HK1: variants seen among roughly 807,000 people sequenced by gnomAD.
The protein encoded by HK1 is hexokinase-1.
HK1 carries 28 observed loss-of-function variants against 91.6 expected under a neutral mutation model. That is an observed-to-expected ratio of 0.31 (90% CI 0.23 to 0.42). The LOEUF is 0.42. Among genes scored for constraint, HK1 ranks in the 10% least tolerant of loss-of-function variants. HK1 has a pLI of 1.00. For synonymous variants in HK1, 430 were observed against 468.1 expected (o/e 0.92, Z 1.05); for missense variants, 770 against 1,219.8 (o/e 0.63, Z 5.49).
chr10:69,301,573 C>CAAAAAAAAAAAAAA (rs3086649), intron 5 of HK1, among the ~76,000 whole-genome samples: 1 of 80,766 alleles, frequency 1.2e-5, no homozygotes, highest in Non-Finnish European at 2.3e-5. Flanking sequence ...GACTCTGTCT[C>CAAAAAAAAAAAAAA]AAAAAAAAAA....
chr10:69,400,606 A>C (rs1245147517), intron 17 of HK1, among the ~76,000 whole-genome samples: 1 of 152,182 alleles, frequency 6.6e-6, no homozygotes, highest in African/African-American at 2.4e-5. Context: ...CTGGAGCCTC[A>C]AGCTCCGATG....
chr10:69,393,270 C>T (rs375604629), intron 15 of HK1, among the ~76,000 whole-genome samples: 62 of 152,148 alleles, frequency 4.1e-4, no homozygotes, highest in African/African-American at 1.3e-3. Context: ...TGTGAGCCAC[C>T]GCAACCAGCC....
chr10:69,288,347 G>T (rs908349827), intron 2 of HK1, among the ~76,000 whole-genome samples: 3 of 152,036 alleles, frequency 2.0e-5, no homozygotes, highest in Admixed American at 6.5e-5. Flanking sequence ...CAGTAGCTCA[G>T]GCCTGTAACC....
chr10:69,281,196 A>C (rs1844728024), intron 1 of HK1, among the ~76,000 whole-genome samples: 1 of 152,174 alleles, frequency 6.6e-6, no homozygotes. Flanking sequence ...TTGTTAAAAC[A>C]CAGATTCATG....
chr10:69,350,769 C>T (rs974387491), intron 2 of HK1, among the ~76,000 whole-genome samples: 1 of 152,124 alleles, frequency 6.6e-6, no homozygotes, highest in African/African-American at 2.4e-5. Context: ...ATCATTTCAT[C>T]TCAGTGTAGT....
intron 17 of HK1, among the ~76,000 whole-genome samples, chr10:69,400,517 G>A (rs369693002): frequency 6.6e-6 from 1 of 152,280 alleles, no homozygotes; most frequent in East Asian, 1.9e-4. Context: ...CTCCTGAACC[G>A]ATCCAGTGCT....
intron 9 of HK1, 82 bp from the exon 10 acceptor site, chr10:69,382,405 A>G: frequency 1.5e-6 from 2 of 1,376,792 alleles, no homozygotes; most frequent in Non-Finnish European, 2.1e-6. Context: ...AGAGTTAAAG[A>G]GTGGAGAAAG....
intron 5 of HK1, among the ~76,000 whole-genome samples, chr10:69,308,456 TTGAC>T (rs1335012740): frequency 1.3e-5 from 2 of 152,082 alleles, no homozygotes; most frequent in East Asian, 3.9e-4. Flanking sequence ...AGGGTCATGA[TTGAC>T]TGAGCAAGCA....
chr10:69,285,214 C>T (rs945373197), intron 2 of HK1, among the ~76,000 whole-genome samples: 1 of 151,924 alleles, frequency 6.6e-6, no homozygotes, highest in Non-Finnish European at 1.5e-5. Context: ...GTGGGTGGAT[C>T]GCAAGGTCAG....
chr10:69,378,555 A>T (rs1473634439), intron 8 of HK1, among the ~76,000 whole-genome samples: 2 of 152,200 alleles, frequency 1.3e-5, no homozygotes, highest in African/African-American at 4.8e-5. Context: ...TACCCCCAAA[A>T]TATCTACAGA....
At chr10:69,319,197 T>C (rs1846860047) in intron 1 of HK1, 187 bp downstream of exon 1, 1 of 729,696 alleles carries the variant, frequency 1.4e-6, no homozygotes, top group South Asian at 1.7e-5. Context: ...TCTGTGTGTG[T>C]GCGTTTTTGG....
At chr10:69,315,664 C>A (rs896588259), upstream of HK1, 9 of 488,782 alleles carry the variant, frequency 1.8e-5, no homozygotes, top group African/African-American at 1.8e-4. Context: ...GGGGACACAG[C>A]AGTGCAGCAT....
chr10:69,364,780 C>T lies in HK1; in HGVS notation c.376-3C>T, dbSNP rs1279099108. ...CCCCTGACTGCTCTCATGTTTCCTTCAGCTTTTTGATCATGTTGCTGAGTG... is the reference window on the plus strand; with the variant it reads ...CCCCTGACTGCTCTCATGTTTCCTTTAGCTTTTTGATCATGTTGCTGAGTG... On this transcript the variant is annotated splice_polypyrimidine_tract_variant and splice_region_variant and intron_variant, in intron 3 of 17. Coordinates refer to ENST00000359426, the MANE Select transcript of HK1 (RefSeq NM_000188.3). 6.2e-7 allele frequency: 1 copy of T among 1,614,036 alleles called. No individual in the cohort carries two copies. Among genetic ancestry groups the T allele is most frequent in the Non-Finnish European group, 8.5e-7 (1 of 1,180,030 alleles).
intron 1 of HK1, among the ~76,000 whole-genome samples, chr10:69,281,993 A>G (rs1304092169): frequency 6.6e-6 from 1 of 152,148 alleles, no homozygotes; most frequent in Non-Finnish European, 1.5e-5. Flanking sequence ...GCTCTGAGCT[A>G]CTTACCCGCT....
At chr10:69,398,885 G>A (rs916992956) in intron 17 of HK1, 57 bp downstream of exon 17, 102 of 1,356,320 alleles carry the variant, frequency 7.5e-5, no homozygotes, top group Admixed American at 3.3e-4. Flanking sequence ...TTTGGGTTAG[G>A]GGGTATCAGG....
intron 2 of HK1, among the ~76,000 whole-genome samples, chr10:69,284,899 C>T (rs1406272929): frequency 6.6e-6 from 1 of 152,150 alleles, no homozygotes; most frequent in Non-Finnish European, 1.5e-5. Context: ...TCACTGCAAG[C>T]TCTGCCTCCT....
At position 69,343,920 on chromosome 10, in the gene HK1, C is replaced by T. The variant is rs1487404037; in HGVS notation, c.157C>T (p.Arg53Trp). Residue 53 changes from arginine to tryptophan, a missense_variant, in exon 2 of 18, where the codon CGG becomes TGG. Around this residue, in one of 7 missense-constraint regions of HK1, gnomAD observed 449 missense variants for 665.1 expected, o/e 0.68. Coordinates refer to ENST00000359426, the MANE Select transcript of HK1 (RefSeq NM_000188.3). ...GAAGGAGATGAAGAATGGCCTCTCCCGGGATTTTAATCCAACAGCCACAGT... is the reference window on the plus strand; with the variant it reads ...GAAGGAGATGAAGAATGGCCTCTCCTGGGATTTTAATCCAACAGCCACAGT... ...FRKEMKNGLS[R>W]DFNPTATVKM... 4 of 1,613,918 alleles carry T rather than the reference C, an allele frequency of 2.5e-6. No homozygotes were observed. The highest frequency in any genetic ancestry group is 1.1e-5 in the South Asian group (1 of 91,076).
intron 3 of HK1, among the ~76,000 whole-genome samples, chr10:69,361,596 A>G (rs559125375): frequency 1.3e-5 from 2 of 152,024 alleles, no homozygotes; most frequent in African/African-American, 4.8e-5. Flanking sequence ...TTTTGGCTTG[A>G]CCTTTTAGGA....
At chr10:69,295,052 T>C (rs987596322) in intron 3 of HK1, among the ~76,000 whole-genome samples, 2 of 135,412 alleles carry the variant, frequency 1.5e-5, no homozygotes, top group African/African-American at 5.6e-5. Flanking sequence ...AGACCCTGTC[T>C]CAAAAAAAAA....
Sources: allele counts gnomAD v4.1 joint callset (sites outside exome capture counted in the v4.1 genomes callset), GRCh38; gene constraint gnomAD v4.1.1; regional missense constraint gnomAD v4.1.1; transcripts MANE v1.5; gene names NCBI Gene and HGNC (gene_info 2026-07-23, HGNC 2026-07-21).